The following TMPRSS7 variants were observed in gnomAD, a reference collection of about 807,000 sequenced individuals.
The protein encoded by TMPRSS7 is transmembrane serine protease 7.
A neutral mutation model predicts 95.6 loss-of-function variants in TMPRSS7; 81 were observed. The ratio of observed to expected loss-of-function variants is 0.85; its 90% confidence interval spans 0.71 to 1.02. TMPRSS7 has a LOEUF of 1.02. TMPRSS7 is among the 50% of genes least tolerant of loss of function. The pLI, the probability that TMPRSS7 is intolerant of heterozygous loss-of-function variation, is 0.00. For synonymous variants in TMPRSS7, 364 were observed against 337.8 expected (o/e 1.08, Z -0.85); for missense variants, 945 against 955.2 (o/e 0.99, Z 0.14).
intron 16 of TMPRSS7, among the ~76,000 whole-genome samples, chr3:112,078,414 A>T (rs545903719): frequency 6.6e-6 from 1 of 152,192 alleles, no homozygotes; most frequent in Non-Finnish European, 1.5e-5. Context: ...TGAATAGTAG[A>T]TATTAGTAAT....
chr3:112,039,204 G>A (rs1052372902), intron 2 of TMPRSS7, among the ~76,000 whole-genome samples: 1 of 152,094 alleles, frequency 6.6e-6, no homozygotes, highest in Admixed American at 6.6e-5. Flanking sequence ...GACTTGTATC[G>A]GAGTTGCCAT....
rs759865349 is a variant in TMPRSS7 at position 112,078,772 on chromosome 3, C to T, written c.2255C>T (p.Ala752Val). The T allele has an allele frequency of 2.0e-5, 33 of 1,614,034 alleles. No individual in the cohort carries two copies. Among genetic ancestry groups the T allele is most frequent in the Admixed American group, 1.7e-4 (10 of 59,994 alleles). ...AAAGGCTCCCTCGTTCTGCAGCAAG[C>T]GGAGGTAGAGCTCATTGATCAAACG... The change falls in exon 17 of 18, where the codon GCG (alanine) becomes GTG (valine). Residue 752 changes from alanine to valine, a missense_variant. Coordinates refer to ENST00000452346, the Ensembl canonical transcript of TMPRSS7.
In TMPRSS7 at chr3:112,065,861, G is replaced by C. The variant is rs2073569519; in HGVS notation, c.1556-531G>C. On this transcript the variant is annotated intron_variant, in intron 12 of 17. Coordinates refer to ENST00000452346, the Ensembl canonical transcript of TMPRSS7. ...TTAATATTTCCTAATTCAGGAAATG[G>C]ATCTCATCAGACAAAATAATTCCAA... 2.0e-5 allele frequency among the ~76,000 whole-genome samples: 3 copies of C among 152,174 alleles called. No individual in the cohort carries two copies. The South Asian group carries it at 6.2e-4, about 32-fold the overall frequency.
chr3:112,061,923 C>T (rs757002153), exon 11 of TMPRSS7: 107 of 1,604,686 alleles, frequency 6.7e-5, no homozygotes, highest in Non-Finnish European at 8.3e-5. Context: ...CATCAGTCAA[C>T]GTAAGCCTAG....
At chr3:112,066,337 G>A in intron 12 of TMPRSS7, 55 bp from the exon 13 acceptor site, 1 of 1,504,094 alleles carries the variant, frequency 6.6e-7, no homozygotes, top group Admixed American at 1.7e-5. Flanking sequence ...GATCATCAGA[G>A]AACCCAGCTG....
At chr3:112,057,723 G>T (rs946899875) in intron 10 of TMPRSS7, among the ~76,000 whole-genome samples, 1 of 151,950 alleles carries the variant, frequency 6.6e-6, no homozygotes, top group Admixed American at 6.6e-5. Context: ...TTTTGTTTTG[G>T]TTTTTTATTT....
intron 16 of TMPRSS7, among the ~76,000 whole-genome samples, chr3:112,077,907 G>C (rs2073732155): frequency 6.6e-6 from 1 of 152,156 alleles, no homozygotes; most frequent in African/African-American, 2.4e-5. Flanking sequence ...ATTTTCCCTT[G>C]ATCTTTCAAT....
intron 3 of TMPRSS7, among the ~76,000 whole-genome samples, chr3:112,042,790 T>C (rs563932489): frequency 6.6e-6 from 1 of 152,358 alleles, no homozygotes; most frequent in South Asian, 2.1e-4. Flanking sequence ...CCACATTCTT[T>C]GTGAGTATCT....
chr3:112,072,676 G>T (rs935288490), intron 13 of TMPRSS7, among the ~76,000 whole-genome samples: 1 of 152,244 alleles, frequency 6.6e-6, no homozygotes, highest in African/African-American at 2.4e-5. Flanking sequence ...CCTCAGCAAT[G>T]GCGGACGCCC....
chr3:112,077,057 C>T lies in TMPRSS7; in HGVS notation c.2137C>T (p.Gln713Ter), dbSNP rs906421734. The T allele has an allele frequency of 3.1e-6, 5 of 1,614,236 alleles. No homozygotes were observed. The highest frequency in any genetic ancestry group is 4.2e-6 in the Non-Finnish European group (5 of 1,180,034). Residue 713 changes from glutamine to a stop codon, truncating the protein, a stop_gained, in exon 16 of 18, where the codon CAG becomes TAG. Transcript: ENST00000452346. LOFTEE classifies it high-confidence loss of function. ...GCCTGAGACCCTGAAACAGCTCATTCAGCCAATATGCATTCCTCCCACTGG... is the reference window on the plus strand; with the variant it reads ...GCCTGAGACCCTGAAACAGCTCATTTAGCCAATATGCATTCCTCCCACTGG...
intron 1 of TMPRSS7, among the ~76,000 whole-genome samples, chr3:112,037,662 T>C (rs1230831985): frequency 6.6e-6 from 1 of 152,186 alleles, no homozygotes; most frequent in Non-Finnish European, 1.5e-5. Flanking sequence ...CTTGCTGGTT[T>C]TGTGGCTGAG....
At chr3:112,055,723 C>A (rs948653838) in intron 9 of TMPRSS7, among the ~76,000 whole-genome samples, 8 of 151,992 alleles carry the variant, frequency 5.3e-5, no homozygotes, top group Non-Finnish European at 1.2e-4. Flanking sequence ...CAATCAGTAC[C>A]AGGCAACACT....
At chr3:112,066,438 C>A (rs369711156) in exon 13 of TMPRSS7, 2 of 1,613,878 alleles carry the variant, frequency 1.2e-6, no homozygotes, top group Non-Finnish European at 1.7e-6. Flanking sequence ...GGCAGCATGG[C>A]CCTCTCATCT....
intron 10 of TMPRSS7, among the ~76,000 whole-genome samples, chr3:112,057,850 C>T (rs980401685): frequency 1.7e-4 from 26 of 152,056 alleles, no homozygotes; most frequent in Non-Finnish European, 3.2e-4. Flanking sequence ...CTCAGCCTCC[C>T]AAGTATCTGG....
At chr3:112,041,702 C>T (rs1421537713) in intron 2 of TMPRSS7, among the ~76,000 whole-genome samples, 1 of 152,162 alleles carries the variant, frequency 6.6e-6, no homozygotes, top group Non-Finnish European at 1.5e-5. Context: ...AAGTATTTGC[C>T]AGAGTGGACA....
chr3:112,035,326 A>G (rs1289074091), intron 1 of TMPRSS7, among the ~76,000 whole-genome samples: 1 of 152,226 alleles, frequency 6.6e-6, no homozygotes, highest in African/African-American at 2.4e-5. Context: ...TTCTCTCTTT[A>G]GAAACCCAGT....
At chr3:112,066,453 T>C (rs373216589) in exon 13 of TMPRSS7, 1 of 1,614,054 alleles carries the variant, frequency 6.2e-7, no homozygotes, top group Non-Finnish European at 8.5e-7. Flanking sequence ...TCATCTGTGA[T>C]GGCTTCAGGG....
At chr3:112,065,892 C>T (rs754475086) in intron 12 of TMPRSS7, among the ~76,000 whole-genome samples, 27 of 152,144 alleles carry the variant, frequency 1.8e-4, no homozygotes, top group Non-Finnish European at 3.2e-4. Flanking sequence ...TCCAAAGAGA[C>T]CACAGGGCCA....
chr3:112,076,398 G>A (rs1009467773), intron 15 of TMPRSS7, among the ~76,000 whole-genome samples: 1 of 152,220 alleles, frequency 6.6e-6, no homozygotes, highest in Non-Finnish European at 1.5e-5. Flanking sequence ...AAGGCTTCCA[G>A]TAGTTTGCCA....
Sources: allele counts gnomAD v4.1 joint callset (sites outside exome capture counted in the v4.1 genomes callset), GRCh38; gene constraint gnomAD v4.1.1; transcripts MANE v1.5; gene names NCBI Gene and HGNC (gene_info 2026-07-23, HGNC 2026-07-21).